AGBL1: variants seen among roughly 807,000 people sequenced by gnomAD.
AGBL1 encodes the protein AGBL carboxypeptidase 1.
AGBL1 carries 130 observed loss-of-function variants against 118.9 expected under a neutral mutation model. That is an observed-to-expected ratio of 1.09 (90% CI 0.95 to 1.26). The LOEUF is 1.26. Ranked by LOEUF, AGBL1 falls within the 50% of genes most tolerant of loss-of-function variation. The pLI is 0.00. For synonymous variants in AGBL1, 555 were observed against 478.9 expected, an observed-to-expected ratio of 1.16 and a Z score of -2.08; for missense variants, 1,584 against 1,298.1, an observed-to-expected ratio of 1.22 and a Z score of -3.38.
intron 18 of AGBL1, among the ~76,000 whole-genome samples, chr15:86,448,273 C>G (rs1384722317): frequency 6.6e-6 from 1 of 152,140 alleles, no homozygotes; most frequent in Non-Finnish European, 1.5e-5. Context: ...GATTTGTTAG[C>G]CATCATTGTT....
At chr15:86,781,865 C>A (rs768586313) in intron 22 of AGBL1, among the ~76,000 whole-genome samples, 1 of 149,854 alleles carries the variant, frequency 6.7e-6, no homozygotes, top group African/African-American at 2.5e-5. Context: ...CTGGGAAGAA[C>A]AAGCATGAGA....
rs2142398495 is a variant in AGBL1 at position 86,615,178 on chromosome 15, T to C, written c.2995-59095T>C. On this transcript the variant is annotated intron_variant, in intron 21 of 22. Coordinates refer to ENST00000614907, the MANE Select transcript of AGBL1 (RefSeq NM_001386094.1). This position sits in a 1 kb window ranked among gnomAD's most constrained non-coding sequence, Gnocchi z 4.3. ...TAAAAATGAGAGTAATTCTAGCAGA[T>C]TTGCCTTCCAGATGCCTCTGCCAGC... Among the ~76,000 whole-genome samples, 1 of 152,270 alleles carries C rather than the reference T, an allele frequency of 6.6e-6. No individual in the cohort carries two copies. The highest frequency in any genetic ancestry group is 2.4e-5 in the African/African-American group (1 of 41,562).
Position 86,342,687 on chromosome 15 carries a change from G to A in AGBL1, c.2374+47279G>A, listed in dbSNP as rs768021414. 7.2e-5 allele frequency among the ~76,000 whole-genome samples: 11 copies of A among 152,196 alleles called. 1 individual carries two copies. The highest frequency in any genetic ancestry group is 5.8e-4 in the East Asian group (3 of 5,166). Reference sequence around the variant, plus strand: ...CGATCTGCCCCATACTAACTGTGTCGCTGTGAAATGAAGCTTCTCGGAGCT... The same window carrying A: ...CGATCTGCCCCATACTAACTGTGTCACTGTGAAATGAAGCTTCTCGGAGCT... On this transcript the variant is annotated intron_variant, in intron 17 of 22. Coordinates refer to ENST00000614907, the MANE Select transcript of AGBL1 (RefSeq NM_001386094.1).
intron 22 of AGBL1, among the ~76,000 whole-genome samples, chr15:86,835,714 C>G (rs534890648): frequency 6.6e-6 from 1 of 152,172 alleles, no homozygotes; most frequent in Admixed American, 6.5e-5. Flanking sequence ...AGGGTCTGAG[C>G]TGAAAGTTTA....
chr15:86,261,544 A>G (rs528946251), intron 9 of AGBL1, among the ~76,000 whole-genome samples: 1 of 152,312 alleles, frequency 6.6e-6, no homozygotes, highest in East Asian at 1.9e-4. Flanking sequence ...TTCCACGTTT[A>G]TTGGATTTAA....
chr15:86,704,828 T>A (rs1596386844), intron 22 of AGBL1, among the ~76,000 whole-genome samples: 1 of 152,180 alleles, frequency 6.6e-6, no homozygotes, highest in African/African-American at 2.4e-5. Context: ...AAGACACATG[T>A]ACACGTATGT....
chr15:86,347,639 AT>A (rs2080559406), intron 17 of AGBL1, among the ~76,000 whole-genome samples: 1 of 152,162 alleles, frequency 6.6e-6, no homozygotes, highest in Non-Finnish European at 1.5e-5. Flanking sequence ...TTGCATGTAT[AT>A]TTTCTATAAA....
At chr15:86,589,836 T>A (rs375725002) in intron 21 of AGBL1, among the ~76,000 whole-genome samples, 2 of 152,074 alleles carry the variant, frequency 1.3e-5, no homozygotes, top group East Asian at 3.9e-4. Context: ...CATCTGAGAG[T>A]AGTTTGGAGA....
intron 19 of AGBL1, among the ~76,000 whole-genome samples, chr15:86,541,122 A>G (rs1209884144): frequency 6.6e-6 from 1 of 152,234 alleles, no homozygotes; most frequent in Non-Finnish European, 1.5e-5. Flanking sequence ...CACAGAGAGA[A>G]ACTAAGATGT....
intron 18 of AGBL1, among the ~76,000 whole-genome samples, chr15:86,495,934 A>T (rs2082848409): frequency 6.6e-6 from 1 of 151,632 alleles, no homozygotes; most frequent in Admixed American, 6.6e-5. Flanking sequence ...ATCCTGTTCC[A>T]TGTTTTTGCC....
intron 17 of AGBL1, among the ~76,000 whole-genome samples, chr15:86,318,759 C>G (rs995474620): frequency 3.3e-5 from 4 of 120,876 alleles, no homozygotes; most frequent in Non-Finnish European, 6.3e-5. Flanking sequence ...CAGAGAGTTG[C>G]TGGAATTGTC....
intron 18 of AGBL1, among the ~76,000 whole-genome samples, chr15:86,403,858 A>G (rs1164100335): frequency 6.6e-6 from 1 of 152,170 alleles, no homozygotes; most frequent in Non-Finnish European, 1.5e-5. Context: ...AGATTCTTGT[A>G]TATTATTTAG....
intron 22 of AGBL1, among the ~76,000 whole-genome samples, chr15:86,812,059 G>A (rs554533771): frequency 1.4e-4 from 21 of 152,320 alleles, no homozygotes; most frequent in South Asian, 2.1e-4. Context: ...GGTTTGGGTT[G>A]TAATGTGTAA....
chr15:86,822,738 G>A (rs2078958790), intron 22 of AGBL1, among the ~76,000 whole-genome samples: 1 of 152,150 alleles, frequency 6.6e-6, no homozygotes, highest in Non-Finnish European at 1.5e-5. Flanking sequence ...AGCCATGTCT[G>A]TGTCTTGGGT....
At chr15:87,002,370 G>A (rs986102210) in intron 24 of AGBL1, among the ~76,000 whole-genome samples, 7 of 151,908 alleles carry the variant, frequency 4.6e-5, no homozygotes, top group Non-Finnish European at 8.8e-5. Flanking sequence ...ATGCTGTTTT[G>A]GTTACTGTAG....
intron 19 of AGBL1, among the ~76,000 whole-genome samples, chr15:86,524,132 A>G (rs1445272461): frequency 6.6e-6 from 1 of 152,244 alleles, no homozygotes; most frequent in Non-Finnish European, 1.5e-5. Context: ...AAATCTCAAA[A>G]GAGATGAACA....
chr15:86,750,362 A>T (rs28703985), intron 22 of AGBL1, among the ~76,000 whole-genome samples: 2 of 152,064 alleles, frequency 1.3e-5, no homozygotes, highest in African/African-American at 4.8e-5. Context: ...TGATCAAATC[A>T]GGGTAATTGA....
chr15:86,291,055 G>A (rs1334491667), intron 16 of AGBL1, among the ~76,000 whole-genome samples: 1 of 152,102 alleles, frequency 6.6e-6, no homozygotes, highest in Non-Finnish European at 1.5e-5. Flanking sequence ...ATTCCATGGT[G>A]TATATGTGCC....
At chr15:86,537,808 A>G (rs776815304) in intron 19 of AGBL1, among the ~76,000 whole-genome samples, 29 of 152,296 alleles carry the variant, frequency 1.9e-4, no homozygotes, top group Non-Finnish European at 2.9e-4. Flanking sequence ...TTTGGATAAC[A>G]TCCTCCTTTA....
Sources: allele counts gnomAD v4.1 joint callset (sites outside exome capture counted in the v4.1 genomes callset), GRCh38; gene constraint gnomAD v4.1.1; non-coding constraint Gnocchi (gnomAD v3.1); transcripts MANE v1.5; gene names NCBI Gene and HGNC (gene_info 2026-07-23, HGNC 2026-07-21).